CACNA1I: variants seen among roughly 807,000 people sequenced by gnomAD.
CACNA1I encodes calcium voltage-gated channel subunit alpha1 I, also known as voltage-dependent T-type calcium channel subunit alpha-1I.
Under a neutral mutation model 201.6 loss-of-function variants are expected in CACNA1I, and 74 were observed. That is an observed-to-expected ratio of 0.37 (90% CI 0.30 to 0.45). CACNA1I has a LOEUF of 0.45. Ranked by LOEUF, CACNA1I falls within the 20% of genes least tolerant of loss-of-function variation. CACNA1I has a pLI of 1.00. For synonymous variants in CACNA1I, 1,431 were observed against 1,345.2 expected, an observed-to-expected ratio of 1.06 and a Z score of -1.40; for missense variants, 2,346 against 3,138.1, an observed-to-expected ratio of 0.75 and a Z score of 6.03.
intron 3 of CACNA1I, among the ~76,000 whole-genome samples, chr22:39,610,853 C>G (rs1375850956): frequency 2.0e-5 from 3 of 152,310 alleles, no homozygotes; most frequent in Admixed American, 6.5e-5. Flanking sequence ...ACACACCTTT[C>G]CTTTCCTAGC....
At chr22:39,575,369 C>T (rs1031429471) in intron 1 of CACNA1I, among the ~76,000 whole-genome samples, 1 of 152,162 alleles carries the variant, frequency 6.6e-6, no homozygotes, top group Non-Finnish European at 1.5e-5. Context: ...GAGGACAGAG[C>T]AGGACAGTGT....
In CACNA1I at chr22:39,685,851, G is replaced by T. The variant is rs771105041; in HGVS notation, c.6118G>T (p.Asp2040Tyr). 1,253 of 1,481,704 alleles carry T rather than the reference G, an allele frequency of 8.5e-4. 8 individuals carry two copies. Among genetic ancestry groups the T allele is most frequent in the Middle Eastern group, 6.4e-3 (27 of 4,242 alleles). 91.8% of individuals were successfully genotyped at this position (1,481,704 alleles called of 1,614,324 possible). Residue 2040 changes from aspartate to tyrosine, a missense_variant, in exon 37 of 37, where the codon GAC becomes TAC. This residue lies in a region of CACNA1I where 441 missense variants were observed against 555.6 expected (regional missense o/e 0.79). Coordinates refer to ENST00000402142, the MANE Select transcript of CACNA1I (RefSeq NM_021096.4). The surrounding 1 kb of genome is among the most constrained non-coding windows in gnomAD (Gnocchi z 5.0). The part of the protein sequence containing the change: ...TTLEDSLTLS[D>Y]SPRRALGPPA... ...GCTCGAGGACAGCCTGACCCTGAGC[G>T]ACAGCCCCCGGCGTGCCCTGGGGCC...
In CACNA1I at chr22:39,588,284, C is replaced by T. The variant is rs571903107; in HGVS notation, c.237-9867C>T. On this transcript the variant is annotated intron_variant, in intron 1 of 36. Coordinates refer to ENST00000402142, the MANE Select transcript of CACNA1I (RefSeq NM_021096.4). ...AGTAACTGGGACCACAGGTACATGC[C>T]GGCAAACTCAGCTGTTCCATTTTTT... 1.5e-4 allele frequency among the ~76,000 whole-genome samples: 23 copies of T among 151,718 alleles called. No homozygotes were observed. In the South Asian group the frequency reaches 4.6e-3, roughly 30 times the overall value.
intron 10 of CACNA1I, among the ~76,000 whole-genome samples, chr22:39,655,205 C>T (rs1470728419): frequency 6.6e-6 from 1 of 152,100 alleles, no homozygotes; most frequent in Non-Finnish European, 1.5e-5. Flanking sequence ...ATGGGAGGGG[C>T]CTAATCAACG....
chr22:39,630,440 G>A (rs572080446), intron 4 of CACNA1I, among the ~76,000 whole-genome samples: 1 of 152,364 alleles, frequency 6.6e-6, no homozygotes, highest in Admixed American at 6.5e-5. Context: ...GCCTAGCACA[G>A]TGCCCGGCAC....
At chr22:39,588,385 C>CTTTTTTTTT (rs3044379) in intron 1 of CACNA1I, among the ~76,000 whole-genome samples, 1 of 80,734 alleles carries the variant, frequency 1.2e-5, no homozygotes, top group African/African-American at 4.3e-5. Flanking sequence ...TTCTTTCTTT[C>CTTTTTTTTT]TTTTTTTTTT....
chr22:39,677,344 G>T lies in CACNA1I; in HGVS notation c.4858G>T (p.Gly1620Cys). ...DTVVQALPQV[G>C]NLGLLFMLLF... Reference sequence around the variant, plus strand: ...GGCCTCACCTGTCCTCCCGCAGGTGGGCAACCTGGGCCTCCTCTTCATGCT... The same window carrying T: ...GGCCTCACCTGTCCTCCCGCAGGTGTGCAACCTGGGCCTCCTCTTCATGCT... The change falls in exon 30 of 37, where the codon GGC (glycine) becomes TGC (cysteine). Residue 1620 changes from glycine to cysteine, a missense_variant. By Grantham distance (159) the Gly-to-Cys change is radical (BLOSUM62 -3). Transcript: ENST00000402142. The surrounding 1 kb of genome is among the most constrained non-coding windows in gnomAD (Gnocchi z 4.8). The T allele has an allele frequency of 6.3e-7, 1 of 1,593,688 alleles. No individual in the cohort carries two copies.
intron 29 of CACNA1I, among the ~76,000 whole-genome samples, chr22:39,675,327 G>C (rs530319940): frequency 6.6e-6 from 1 of 152,336 alleles, no homozygotes; most frequent in Admixed American, 6.5e-5. Flanking sequence ...GCTGCTAGGG[G>C]TGGGGATGGT....
chr22:39,659,191 A>G lies in CACNA1I; in HGVS notation c.2330+75A>G, dbSNP rs1934920428. On this transcript the variant is annotated intron_variant, in intron 12 of 36. Transcript: ENST00000402142. The surrounding 1 kb of genome is among the most constrained non-coding windows in gnomAD (Gnocchi z 4.3). ...GGCGGGAGCCTGGGGGATGTGGTCC[A>G]CTGTGCTTCTCTGGACAAAGCCACC... 2 of 1,565,810 alleles carry G rather than the reference A, an allele frequency of 1.3e-6. No individual in the cohort carries two copies. Among genetic ancestry groups the G allele is most frequent in the African/African-American group, 2.7e-5 (2 of 74,028 alleles).
chr22:39,669,740 T>C lies in CACNA1I; in HGVS notation c.4195-298T>C, dbSNP rs574365522. The stretch of plus-strand genomic sequence containing the variant: ...GTGAGTGGGAGGATAGGTGGATGGA[T>C]GGATGGATGCATGCATAGGTGAATG... On this transcript the variant is annotated intron_variant, in intron 24 of 36. Coordinates refer to ENST00000402142, the MANE Select transcript of CACNA1I (RefSeq NM_021096.4). Among the ~76,000 whole-genome samples, 46 of 151,936 alleles carry C rather than the reference T, an allele frequency of 3.0e-4. No homozygotes were observed. The South Asian group carries it at 9.4e-3, about 31-fold the overall frequency.
At chr22:39,671,033 G>A in intron 26 of CACNA1I, 79 bp downstream of exon 26, 1 of 1,396,758 alleles carries the variant, frequency 7.2e-7, no homozygotes, top group Non-Finnish European at 1.0e-6. Context: ...CAGGGATAGG[G>A]TGGGGAAGGG....
chr22:39,685,065 G>A lies in CACNA1I; in HGVS notation c.6027+567G>A, dbSNP rs1296025015. 2.8e-5 allele frequency: 5 copies of A among 180,518 alleles called. No homozygotes were observed. Among genetic ancestry groups the A allele is most frequent in the Non-Finnish European group, 5.8e-5 (5 of 85,914 alleles). 11.2% of individuals were successfully genotyped at this position (180,518 alleles called of 1,614,324 possible). A position where few individuals can be genotyped will look rare whatever the true frequency, so the allele number is the denominator to read the frequency against. Reference sequence around the variant, plus strand: ...GGCCGGGCCGGCTCCCACAGTGAGTGCAGTTGATTCACTGGGTGACTGTCT... The same window carrying A: ...GGCCGGGCCGGCTCCCACAGTGAGTACAGTTGATTCACTGGGTGACTGTCT... On this transcript the variant is annotated intron_variant, in intron 36 of 36. Coordinates refer to ENST00000402142, the MANE Select transcript of CACNA1I (RefSeq NM_021096.4). This position sits in a 1 kb window ranked among gnomAD's most constrained non-coding sequence, Gnocchi z 5.0.
chr22:39,649,942 C>T lies in CACNA1I; in HGVS notation c.1992+17C>T, dbSNP rs751390198. ...CACGAGCAGGCCAGTGCAGCGCAGC[C>T]GGGCCGGGCCTGCGGGAGAGGTGTG... On this transcript the variant is annotated intron_variant, in intron 10 of 36. Transcript: ENST00000402142. This position sits in a 1 kb window ranked among gnomAD's most constrained non-coding sequence, Gnocchi z 7.3. 2.0e-5 allele frequency: 32 copies of T among 1,612,494 alleles called. No individual in the cohort carries two copies. The highest frequency in any genetic ancestry group is 5.0e-5 in the Admixed American group (3 of 59,932).
In CACNA1I at chr22:39,665,352, GTCC is replaced by G. The variant is rs760868331; in HGVS notation, c.3852-143_3852-141del. 51 of 924,854 alleles carry G rather than the reference GTCC, an allele frequency of 5.5e-5. No individual in the cohort carries two copies. The highest frequency in any genetic ancestry group is 7.9e-5 in the Non-Finnish European group (50 of 629,592). The allele number at this position is 924,854 out of a possible 1,614,324, so 57.3% of individuals were successfully genotyped here. On this transcript the variant is annotated intron_variant, in intron 21 of 36. Coordinates refer to ENST00000402142, the MANE Select transcript of CACNA1I (RefSeq NM_021096.4). This position sits in a 1 kb window ranked among gnomAD's most constrained non-coding sequence, Gnocchi z 5.5. Reference sequence around the variant, plus strand: ...CACTTTCTCTGCATTCCTGGAGACTGTCCTCATGCCCCAGGGTGTTCAGCCCTG... The same window carrying G: ...CACTTTCTCTGCATTCCTGGAGACTGTCATGCCCCAGGGTGTTCAGCCCTG...
intron 3 of CACNA1I, among the ~76,000 whole-genome samples, chr22:39,609,690 A>G (rs1933328246): frequency 6.6e-6 from 1 of 152,200 alleles, no homozygotes; most frequent in African/African-American, 2.4e-5. Flanking sequence ...AAGGCTAGGA[A>G]AGCAGAAAGC....
At chr22:39,588,187 C>T (rs1932779767) in intron 1 of CACNA1I, among the ~76,000 whole-genome samples, 2 of 130,540 alleles carry the variant, frequency 1.5e-5, no homozygotes, top group South Asian at 2.6e-4. Context: ...GGCTGGAGTG[C>T]AGTGGCACCG....
At chr22:39,605,267 C>T (rs911925145) in intron 3 of CACNA1I, among the ~76,000 whole-genome samples, 2 of 152,164 alleles carry the variant, frequency 1.3e-5, no homozygotes, top group East Asian at 1.9e-4. Context: ...TTAGAGGTCA[C>T]GGCCTTCATC....
At chr22:39,624,117 GGTGT>G (rs927663759) in intron 4 of CACNA1I, among the ~76,000 whole-genome samples, 2 of 148,680 alleles carry the variant, frequency 1.3e-5, no homozygotes, top group Admixed American at 6.7e-5. Flanking sequence ...TCTCTGTGAG[GGTGT>G]GTGTATGAAG....
chr22:39,674,781 T>C (rs999931422), intron 29 of CACNA1I, among the ~76,000 whole-genome samples: 1 of 152,066 alleles, frequency 6.6e-6, no homozygotes, highest in African/African-American at 2.4e-5. Context: ...CATCAGGAAG[T>C]TTAGGTGCCT....
Sources: allele counts gnomAD v4.1 joint callset (sites outside exome capture counted in the v4.1 genomes callset), GRCh38; gene constraint gnomAD v4.1.1; regional missense constraint gnomAD v4.1.1; non-coding constraint Gnocchi (gnomAD v3.1); transcripts MANE v1.5; gene names NCBI Gene and HGNC (gene_info 2026-07-23, HGNC 2026-07-21).